Variants in ABLIM1 observed in about 807,000 individuals in gnomAD.
ABLIM1 encodes the protein actin-binding LIM protein 1.
ABLIM1 carries 40 observed loss-of-function variants against 107.0 expected under a neutral mutation model. That is an observed-to-expected ratio of 0.37 (90% CI 0.29 to 0.49). The LOEUF is 0.49. Among genes scored for constraint, ABLIM1 ranks in the 20% least tolerant of loss-of-function variants. ABLIM1 has a pLI of 0.97. For synonymous variants in ABLIM1, 357 were observed against 357.3 expected, an observed-to-expected ratio of 1.00 and a Z score of 0.01; for missense variants, 857 against 1,008.5, an observed-to-expected ratio of 0.85 and a Z score of 2.04.
Position 114,447,936 on chromosome 10 carries a change from T to A in ABLIM1, c.1679A>T (p.Glu560Val). The change falls in exon 15 of 23, where the codon GAG (glutamate) becomes GTG (valine). Residue 560 changes from glutamate to valine, a missense_variant. By Grantham distance (121) the Glu-to-Val change is moderately radical. This residue lies in a region of ABLIM1 where 103 missense variants were observed against 101.0 expected (regional missense o/e 1.02). Coordinates refer to ENST00000533213, the MANE Select transcript of ABLIM1 (RefSeq NM_002313.7). The stretch of plus-strand genomic sequence containing the variant: ...GTGGTCCGTCTCAATCTTTGGTGTC[T>A]CGCTGGGGTCTGGTGCCTGGGCTGC... ...FPAAQAPDPS[E>V]TPKIETDHWP... 1 of 1,614,172 alleles carries A rather than the reference T, an allele frequency of 6.2e-7. No homozygotes were observed. The highest frequency in any genetic ancestry group is 8.5e-7 in the Non-Finnish European group (1 of 1,180,024).
intron 1 of ABLIM1, among the ~76,000 whole-genome samples, chr10:114,745,649 C>A (rs976485978): frequency 6.6e-6 from 1 of 152,154 alleles, no homozygotes; most frequent in Admixed American, 6.5e-5. Context: ...GTGGGCAGAT[C>A]ACCTGAGGTC....
intron 8 of ABLIM1, among the ~76,000 whole-genome samples, chr10:114,481,508 G>T (rs995755568): frequency 6.6e-6 from 1 of 152,014 alleles, no homozygotes; most frequent in African/African-American, 2.4e-5. Context: ...AAGTTCACTA[G>T]ACAAGGTGGG....
chr10:114,501,770 C>T (rs1427103527), intron 6 of ABLIM1, among the ~76,000 whole-genome samples: 1 of 152,190 alleles, frequency 6.6e-6, no homozygotes, highest in Non-Finnish European at 1.5e-5. Context: ...CACACAGTCT[C>T]CCCCACTAAG....
At chr10:114,665,864 G>A (rs1363194016) in intron 1 of ABLIM1, among the ~76,000 whole-genome samples, 2 of 152,214 alleles carry the variant, frequency 1.3e-5, no homozygotes, top group African/African-American at 4.8e-5. Context: ...AAAATTAGAT[G>A]TTTGTAAAGA....
intron 8 of ABLIM1, among the ~76,000 whole-genome samples, chr10:114,477,917 T>C (rs954673536): frequency 2.0e-5 from 3 of 151,950 alleles, no homozygotes; most frequent in African/African-American, 7.3e-5. Context: ...AGAGATGGGG[T>C]TTCACCCCAT....
chr10:114,658,976 A>G (rs1002718239), upstream of ABLIM1, among the ~76,000 whole-genome samples: 1 of 152,156 alleles, frequency 6.6e-6, no homozygotes, highest in African/African-American at 2.4e-5. Context: ...AAAAAGGACA[A>G]CCCCAGTAAT....
intron 1 of ABLIM1, among the ~76,000 whole-genome samples, chr10:114,737,454 A>C (rs1475086187): frequency 6.6e-6 from 1 of 152,162 alleles, no homozygotes; most frequent in Non-Finnish European, 1.5e-5. Flanking sequence ...CCTCGGTTTC[A>C]ACACAATGGC....
At chr10:114,600,532 T>C (rs1430535223) in intron 2 of ABLIM1, among the ~76,000 whole-genome samples, 2 of 152,162 alleles carry the variant, frequency 1.3e-5, no homozygotes, top group East Asian at 3.9e-4. Flanking sequence ...ATGTATTTCG[T>C]GGTCACTAGG....
At chr10:114,557,772 T>C (rs2138130530) in intron 4 of ABLIM1, among the ~76,000 whole-genome samples, 1 of 144,394 alleles carries the variant, frequency 6.9e-6, no homozygotes, top group Non-Finnish European at 1.5e-5. Flanking sequence ...CCTTAAAATG[T>C]AACAAGGCCC....
intron 1 of ABLIM1, among the ~76,000 whole-genome samples, chr10:114,739,039 A>G (rs1040792872): frequency 6.6e-6 from 1 of 152,240 alleles, no homozygotes; most frequent in South Asian, 2.1e-4. Flanking sequence ...AAAGTCATTA[A>G]CTGAATAGAA....
chr10:114,670,633 C>T (rs2141381761), intron 1 of ABLIM1, among the ~76,000 whole-genome samples: 1 of 152,300 alleles, frequency 6.6e-6, no homozygotes, highest in East Asian at 1.9e-4. Context: ...GCTGATACTA[C>T]AGGCATGTGC....
intron 10 of ABLIM1, among the ~76,000 whole-genome samples, chr10:114,472,231 G>C (rs138223961): frequency 2.2e-4 from 33 of 152,254 alleles, no homozygotes; most frequent in Admixed American, 1.8e-3. Flanking sequence ...CTGTTTTACA[G>C]ATGAAGAAAC....
chr10:114,568,196 CAAAAAAAA>C (rs34861242), intron 4 of ABLIM1, among the ~76,000 whole-genome samples: 1 of 52,392 alleles, frequency 1.9e-5, no homozygotes. Context: ...GACTCCGTCT[CAAAAAAAA>C]AAAAAAAAAA....
intron 4 of ABLIM1, among the ~76,000 whole-genome samples, chr10:114,565,887 T>C (rs7094292): frequency 0.78 from 115,770 of 148,580 alleles, 45,651 homozygotes; most frequent in African/African-American, 0.93. Context: ...CTCCGCCTCC[T>C]GGGTTCACAC....
intron 1 of ABLIM1, among the ~76,000 whole-genome samples, chr10:114,755,224 G>T (rs2082603182): frequency 6.6e-6 from 1 of 152,166 alleles, no homozygotes; most frequent in Non-Finnish European, 1.5e-5. Context: ...TGCATGCGAA[G>T]GATATAAGTT....
At chr10:114,716,445 C>CACA (rs2081665362) in intron 1 of ABLIM1, among the ~76,000 whole-genome samples, 1 of 131,022 alleles carries the variant, frequency 7.6e-6, no homozygotes, top group Non-Finnish European at 1.6e-5. Context: ...ACACACACAC[C>CACA]CCTCCCCACA....
chr10:114,679,917 A>G (rs76609788), intron 1 of ABLIM1, among the ~76,000 whole-genome samples: 2,448 of 152,296 alleles, frequency 0.016, 63 homozygotes, highest in African/African-American at 0.055. Context: ...TAAAACAGCT[A>G]ATAGTTGTTA....
At chr10:114,755,457 T>TG (rs747152838) in intron 1 of ABLIM1, among the ~76,000 whole-genome samples, 4 of 152,182 alleles carry the variant, frequency 2.6e-5, no homozygotes, top group Non-Finnish European at 5.9e-5. Flanking sequence ...GGAGGTCCAA[T>TG]ATGGACTCTC....
At chr10:114,784,614 C>T in the ABLIM1 span, among the ~76,000 whole-genome samples, 1 of 135,388 alleles carries the variant, frequency 7.4e-6, no homozygotes, top group South Asian at 2.3e-4. Flanking sequence ...TTGCAGTGAG[C>T]TGAGATCCAG....
Sources: gnomAD v4.1 joint callset for allele counts (sites outside exome capture counted in the v4.1 genomes callset) on GRCh38, gnomAD v4.1.1 for gene constraint, gnomAD v4.1.1 regional missense constraint, MANE v1.5 for transcripts, NCBI Gene and HGNC (gene_info 2026-07-23, HGNC 2026-07-21) for gene names.